Variants in DPYSL5 observed in about 807,000 individuals in gnomAD.
The protein encoded by DPYSL5 is dihydropyrimidinase like 5.
In DPYSL5, 9 loss-of-function variants were observed where a neutral mutation model predicts 58.4. The observed-to-expected ratio is 0.15, with a 90% CI of 0.09 to 0.27. The LOEUF (loss-of-function observed/expected upper bound fraction) is 0.27, where lower values mean the gene tolerates loss of function less well. Ranked by LOEUF, DPYSL5 falls within the 10% of genes least tolerant of loss-of-function variation. The probability of loss-of-function intolerance (pLI) is 1.00; values close to 1 mark genes in which losing one functional copy is unlikely to be tolerated. For missense variants in DPYSL5, 499 were observed against 770.6 expected, an observed-to-expected ratio of 0.65 and a Z score of 4.17; for synonymous variants, 293 against 301.9, an observed-to-expected ratio of 0.97 and a Z score of 0.31.
chr2:26,929,302 G>T (rs1166377843), intron 5 of DPYSL5, among the ~76,000 whole-genome samples: 1 of 151,984 alleles, frequency 6.6e-6, no homozygotes, highest in South Asian at 2.1e-4. Context: ...GCGCAATCTC[G>T]GCTCACTGCA....
intron 1 of DPYSL5, among the ~76,000 whole-genome samples, chr2:26,872,419 C>T (rs1663287375): frequency 1.3e-5 from 2 of 152,148 alleles, no homozygotes; most frequent in Non-Finnish European, 1.5e-5. Flanking sequence ...GGGCCAGGCG[C>T]GGTGGCTCAC....
chr2:26,944,421 CACAT>C lies in DPYSL5; in HGVS notation c.1441-230_1441-227del, dbSNP rs1162154725. The stretch of plus-strand genomic sequence containing the variant: ...ATGCATGCACACACACATGTGCACT[CACAT>C]ACATGCACGCATGCACACATGTACA... On this transcript the variant is annotated intron_variant, in intron 11 of 12. Coordinates refer to ENST00000288699, the MANE Select transcript of DPYSL5 (RefSeq NM_020134.4). The surrounding 1 kb of genome is among the most constrained non-coding windows in gnomAD (Gnocchi z 4.4). Among the ~76,000 whole-genome samples the C allele has an allele frequency of 1.3e-5, 2 of 152,220 alleles. No individual in the cohort carries two copies. The highest frequency in any genetic ancestry group is 1.9e-4 in the East Asian group (1 of 5,204).
At chr2:26,903,066 C>CT (rs537308074) in intron 2 of DPYSL5, among the ~76,000 whole-genome samples, 4,150 of 144,418 alleles carry the variant, frequency 0.029, 174 homozygotes, top group African/African-American at 0.091. Flanking sequence ...CCTCTACTTT[C>CT]TTTTTTTTTT....
intron 1 of DPYSL5, among the ~76,000 whole-genome samples, chr2:26,854,286 C>T (rs1291541881): frequency 6.6e-6 from 1 of 152,108 alleles, no homozygotes; most frequent in Non-Finnish European, 1.5e-5. Context: ...TGGCGAAACC[C>T]TGTCTCTACT....
chr2:26,899,593 A>C (rs1366602968), intron 2 of DPYSL5, among the ~76,000 whole-genome samples: 1 of 152,116 alleles, frequency 6.6e-6, no homozygotes, highest in Non-Finnish European at 1.5e-5. Context: ...CTGTCCCGTA[A>C]GTGTGCAGGC....
chr2:26,898,640 G>A lies in DPYSL5; in HGVS notation c.141G>A (p.Gly47=). 1.2e-6 allele frequency: 2 copies of A among 1,614,088 alleles called. No homozygotes were observed. Among genetic ancestry groups the A allele is most frequent in the African/African-American group, 1.3e-5 (1 of 74,994 alleles). Residue 47 remains glycine (G), a synonymous_variant, in exon 2 of 13, where the codon GGG becomes GGA. Coordinates refer to ENST00000288699, the MANE Select transcript of DPYSL5 (RefSeq NM_020134.4). This position sits in a 1 kb window ranked among gnomAD's most constrained non-coding sequence, Gnocchi z 6.1. ...GCCGCGAGCTCATGATCCCTGGCGG[G>A]GCCAAGGTGATTGATGCCACAGGAA... is the stretch of plus-strand genomic sequence containing the variant. ...QVGRELMIPG[G]AKVIDATGKL... is the part of the protein sequence containing the mutation.
chr2:26,902,887 A>G (rs1269836708), intron 2 of DPYSL5, among the ~76,000 whole-genome samples: 2 of 152,108 alleles, frequency 1.3e-5, no homozygotes, highest in African/African-American at 4.8e-5. Flanking sequence ...CAGTGCCATG[A>G]CAGTTAACAA....
At chr2:26,890,639 A>G (rs1174133205) in intron 1 of DPYSL5, among the ~76,000 whole-genome samples, 2 of 152,188 alleles carry the variant, frequency 1.3e-5, no homozygotes, top group Non-Finnish European at 2.9e-5. Flanking sequence ...CTCCTTCTGT[A>G]TGGCTCAAGG....
intron 1 of DPYSL5, among the ~76,000 whole-genome samples, chr2:26,856,329 C>A (rs1283804784): frequency 6.6e-6 from 1 of 152,176 alleles, no homozygotes; most frequent in Non-Finnish European, 1.5e-5. Flanking sequence ...TCCTCCATAT[C>A]CTGACTGCTT....
At chr2:26,932,478 G>T (rs1252713349) in intron 6 of DPYSL5, among the ~76,000 whole-genome samples, 3 of 152,248 alleles carry the variant, frequency 2.0e-5, no homozygotes, top group African/African-American at 7.2e-5. Context: ...AAAGAGAACA[G>T]AATAACATCT....
chr2:26,935,786 C>G (rs1665158923), intron 8 of DPYSL5, among the ~76,000 whole-genome samples: 2 of 152,050 alleles, frequency 1.3e-5, no homozygotes, highest in African/African-American at 4.8e-5. Context: ...CATCTCCTTC[C>G]CTCCTGATCC....
intron 1 of DPYSL5, among the ~76,000 whole-genome samples, chr2:26,858,895 A>G (rs898990171): frequency 3.3e-5 from 5 of 152,148 alleles, no homozygotes; most frequent in African/African-American, 1.2e-4. Flanking sequence ...TTTAAAATAT[A>G]TAAATCTAAT....
intron 1 of DPYSL5, among the ~76,000 whole-genome samples, chr2:26,872,904 T>C (rs563637021): frequency 4.1e-4 from 63 of 152,290 alleles, no homozygotes; most frequent in Admixed American, 1.2e-3. Context: ...TAAATAGTGA[T>C]TCCATAAATT....
intron 2 of DPYSL5, among the ~76,000 whole-genome samples, chr2:26,921,329 G>A (rs746080941): frequency 2.0e-5 from 3 of 152,168 alleles, no homozygotes; most frequent in Admixed American, 6.5e-5. Context: ...GTGAAACCCC[G>A]TCTCTAGTGA....
At chr2:26,929,171 C>T (rs767607845) in intron 5 of DPYSL5, among the ~76,000 whole-genome samples, 3 of 152,078 alleles carry the variant, frequency 2.0e-5, no homozygotes, top group South Asian at 2.1e-4. Context: ...CTAGGTTGCA[C>T]GCTCCTTATG....
chr2:26,917,497 T>C (rs1477554935), intron 2 of DPYSL5, among the ~76,000 whole-genome samples: 2 of 152,082 alleles, frequency 1.3e-5, no homozygotes, highest in Non-Finnish European at 2.9e-5. Flanking sequence ...AGAGGCTGTT[T>C]TCTTAAGAAG....
In DPYSL5 at chr2:26,898,817, A is replaced by G. The variant is rs2148137231; in HGVS notation, c.261+57A>G. Reference sequence around the variant, plus strand: ...TCTTTGGCTTTTTTATTCTGCTTCTAGGGCTGCTCCAGACTAGACTCATGT... The same window carrying G: ...TCTTTGGCTTTTTTATTCTGCTTCTGGGGCTGCTCCAGACTAGACTCATGT... On this transcript the variant is annotated intron_variant, in intron 2 of 12. Coordinates refer to ENST00000288699, the MANE Select transcript of DPYSL5 (RefSeq NM_020134.4). This position sits in a 1 kb window ranked among gnomAD's most constrained non-coding sequence, Gnocchi z 6.1. 6.4e-7 allele frequency: 1 copy of G among 1,556,264 alleles called. No homozygotes were observed.
intron 5 of DPYSL5, among the ~76,000 whole-genome samples, chr2:26,931,189 GTGTGTGTGTGTGTGTATATA>G (rs1558350600): frequency 1.7e-5 from 1 of 59,508 alleles, no homozygotes; most frequent in Non-Finnish European, 3.7e-5. Context: ...GTGTGTGTGT[GTGTGTGTGTGTGTGTATATA>G]TATATATATA....
At chr2:26,878,559 AACTC>A (rs1663469948) in intron 1 of DPYSL5, among the ~76,000 whole-genome samples, 1 of 152,212 alleles carries the variant, frequency 6.6e-6, no homozygotes, top group African/African-American at 2.4e-5. Flanking sequence ...AGAAAAGCCT[AACTC>A]AATCAAAGGT....
Sources: allele counts gnomAD v4.1 joint callset (sites outside exome capture counted in the v4.1 genomes callset), GRCh38; gene constraint gnomAD v4.1.1; non-coding constraint Gnocchi (gnomAD v3.1); transcripts MANE v1.5; gene names NCBI Gene and HGNC (gene_info 2026-07-23, HGNC 2026-07-21).